The following SND1 variants were observed in gnomAD, a reference collection of about 807,000 sequenced individuals.
The protein encoded by SND1 is staphylococcal nuclease and tudor domain containing 1, also known as staphylococcal nuclease domain-containing protein 1.
SND1 carries 38 observed loss-of-function variants against 121.7 expected under a neutral mutation model. The observed-to-expected ratio is 0.31, with a 90% CI of 0.24 to 0.41. The LOEUF (loss-of-function observed/expected upper bound fraction) is 0.41, where lower values mean the gene tolerates loss of function less well. SND1 is among the 10% of genes least tolerant of loss of function. The pLI is 1.00. For missense variants in SND1, 868 were observed against 1,184.6 expected, an observed-to-expected ratio of 0.73 and a Z score of 3.92; for synonymous variants, 401 against 447.4, an observed-to-expected ratio of 0.90 and a Z score of 1.31.
rs933408509 is a variant in SND1, at chr7:127,786,620, G to T, written c.1153-20864G>T. ...TTTCTTTGCTGCATAGTGTTTTTTT[G>T]TTTTGTTTTGTTTTGTTTGTTTGTT... On this transcript the variant is annotated intron_variant, in intron 10 of 23. Transcript: ENST00000354725. Among the ~76,000 whole-genome samples the T allele has an allele frequency of 3.3e-5, 5 of 150,972 alleles. No individual in the cohort carries two copies. The East Asian group carries it at 9.8e-4, about 30-fold the overall frequency.
chr7:127,684,784 G>C (rs1795784573), intron 1 of SND1, among the ~76,000 whole-genome samples: 1 of 152,178 alleles, frequency 6.6e-6, no homozygotes, highest in Non-Finnish European at 1.5e-5. Flanking sequence ...TTGTGTGTGT[G>C]TGCCATGGTA....
At position 128,023,625 on chromosome 7, in the gene SND1, G is replaced by A. The variant is rs1029372315; in HGVS notation, c.1779+32569G>A. ...TTCCTGGGAGGATAAGTATAACCATGTTTTTCACAGTGATCGGGCTTATAG... is the reference window on the plus strand; with the variant it reads ...TTCCTGGGAGGATAAGTATAACCATATTTTTCACAGTGATCGGGCTTATAG... On this transcript the variant is annotated intron_variant, in intron 16 of 23. Transcript: ENST00000354725. 1.3e-5 allele frequency among the ~76,000 whole-genome samples: 2 copies of A among 152,168 alleles called. 1 individual carries two copies. The highest frequency in any genetic ancestry group is 1.3e-4 in the Admixed American group (2 of 15,288).
chr7:128,032,250 G>T (rs1792643319), intron 16 of SND1: 2 of 148,664 alleles, frequency 1.3e-5, no homozygotes, highest in African/African-American at 2.5e-5. Context: ...GCGCAGCCCC[G>T]CGCCTCCGGC....
intron 10 of SND1, among the ~76,000 whole-genome samples, chr7:127,768,076 G>A (rs578126143): frequency 3.3e-5 from 5 of 152,254 alleles, no homozygotes; most frequent in Admixed American, 6.5e-5. Context: ...TGAATATGCC[G>A]CAGCTCTTTA....
intron 11 of SND1, among the ~76,000 whole-genome samples, chr7:127,825,157 C>T (rs1798619796): frequency 1.3e-5 from 2 of 152,156 alleles, no homozygotes; most frequent in South Asian, 4.1e-4. Flanking sequence ...GTCACCAAGG[C>T]TGGAGTGCAA....
chr7:127,794,129 C>T lies in SND1; in HGVS notation c.1153-13355C>T, dbSNP rs912912794. 3.9e-5 allele frequency among the ~76,000 whole-genome samples: 6 copies of T among 152,146 alleles called. 1 individual carries two copies. The South Asian group carries it at 8.3e-4, about 21-fold the overall frequency. On this transcript the variant is annotated intron_variant, in intron 10 of 23. Transcript: ENST00000354725. ...AAAGTAAAAGAAAGTCATCTTCCTT[C>T]GTTAAGGTTAGACTGATATCTGTCC...
At chr7:127,749,340 A>G (rs1175476580) in intron 10 of SND1, among the ~76,000 whole-genome samples, 2 of 152,188 alleles carry the variant, frequency 1.3e-5, no homozygotes, top group Non-Finnish European at 2.9e-5. Context: ...TAGGCCTGGA[A>G]GGTAACTTGG....
intron 1 of SND1, among the ~76,000 whole-genome samples, chr7:127,657,723 C>A (rs935349294): frequency 4.6e-5 from 7 of 152,084 alleles, no homozygotes; most frequent in Non-Finnish European, 1.0e-4. Flanking sequence ...GTCTCGAACT[C>A]CTGGACTCAA....
chr7:127,772,166 C>G (rs1393453418), intron 10 of SND1, among the ~76,000 whole-genome samples: 1 of 152,032 alleles, frequency 6.6e-6, no homozygotes, highest in East Asian at 1.9e-4. Context: ...TTACATTCAC[C>G]AAAATAAAGA....
chr7:128,025,283 CCTGGG>C (rs1379963121), intron 16 of SND1, among the ~76,000 whole-genome samples: 6 of 152,158 alleles, frequency 3.9e-5, no homozygotes, highest in Non-Finnish European at 7.4e-5. Context: ...CCAATAGCAG[CCTGGG>C]TGAGAAAGCA....
chr7:127,794,652 T>TTC (rs2116549257), intron 10 of SND1, among the ~76,000 whole-genome samples: 1 of 152,354 alleles, frequency 6.6e-6, no homozygotes, highest in South Asian at 2.1e-4. Context: ...CTCCTGTTCT[T>TTC]TTCCCCTCTT....
chr7:128,068,758 C>T (rs1365810879), intron 16 of SND1, among the ~76,000 whole-genome samples: 2 of 152,226 alleles, frequency 1.3e-5, no homozygotes, highest in East Asian at 1.9e-4. Context: ...GACCACAGCT[C>T]GGCTGGGTGA....
intron 15 of SND1, among the ~76,000 whole-genome samples, chr7:127,929,551 G>A (rs73721255): frequency 0.016 from 2,470 of 152,294 alleles, 89 homozygotes; most frequent in African/African-American, 0.057. Context: ...AGCACAGGAT[G>A]TAGGAGTAGA....
At chr7:127,848,191 A>G (rs552724148) in intron 12 of SND1, among the ~76,000 whole-genome samples, 1 of 152,318 alleles carries the variant, frequency 6.6e-6, no homozygotes, top group East Asian at 1.9e-4. Flanking sequence ...CAACTTAAAC[A>G]ATGCTTAAAC....
Position 128,029,423 on chromosome 7 carries a change from G to C in SND1, c.1779+38367G>C, listed in dbSNP as rs532590910. On this transcript the variant is annotated intron_variant, in intron 16 of 23. Transcript: ENST00000354725. The surrounding 1 kb of genome is among the most constrained non-coding windows in gnomAD (Gnocchi z 4.2). The stretch of plus-strand genomic sequence containing the variant: ...GCACGTGGGAAAAGTTCAAGGTGCC[G>C]TCGTTGAGGACAGAGATCCTTGGGT... 2.5e-6 allele frequency: 4 copies of C among 1,614,084 alleles called. No homozygotes were observed. The highest frequency in any genetic ancestry group is 3.4e-6 in the Non-Finnish European group (4 of 1,180,054).
intron 16 of SND1, among the ~76,000 whole-genome samples, chr7:128,016,506 G>A (rs1180981457): frequency 6.6e-6 from 1 of 152,168 alleles, no homozygotes; most frequent in Non-Finnish European, 1.5e-5. Context: ...TCTCATGCTG[G>A]AGTGGGCATG....
At chr7:127,926,549 CTTTTTTTTTTTTT>C (rs71160605) in intron 14 of SND1, among the ~76,000 whole-genome samples, 1 of 90,558 alleles carries the variant, frequency 1.1e-5, no homozygotes, top group African/African-American at 4.5e-5. Flanking sequence ...TTTTCTTTTT[CTTTTTTTTTTTTT>C]TTTTTTTTTT....
At chr7:127,893,255 A>C (rs1308146261) in intron 13 of SND1, among the ~76,000 whole-genome samples, 1 of 152,140 alleles carries the variant, frequency 6.6e-6, no homozygotes, top group Non-Finnish European at 1.5e-5. Flanking sequence ...GATGTCTTCC[A>C]AGTGGAGCTT....
chr7:127,658,574 G>T (rs1795252461), intron 1 of SND1, among the ~76,000 whole-genome samples: 1 of 152,208 alleles, frequency 6.6e-6, no homozygotes, highest in South Asian at 2.1e-4. Context: ...ATTTACTGCT[G>T]CTCTGGCCTC....
Sources: gnomAD v4.1 joint callset for allele counts (sites outside exome capture counted in the v4.1 genomes callset) on GRCh38, gnomAD v4.1.1 for gene constraint, Gnocchi (gnomAD v3.1) non-coding constraint, MANE v1.5 for transcripts, NCBI Gene and HGNC (gene_info 2026-07-23, HGNC 2026-07-21) for gene names.